MMP25: variants seen among roughly 807,000 people sequenced by gnomAD.
The protein encoded by MMP25 is matrix metallopeptidase 25, also known as matrix metalloproteinase-25.
MMP25 carries 68 observed loss-of-function variants against 62.1 expected under a neutral mutation model. The ratio of observed to expected loss-of-function variants is 1.10; its 90% CI spans 0.90 to 1.34. MMP25 has a LOEUF of 1.34. Ranked by LOEUF, MMP25 falls within the 40% of genes most tolerant of loss-of-function variation. The pLI, the probability that MMP25 is intolerant of heterozygous loss-of-function variation, is 0.00. For synonymous variants in MMP25, 407 were observed against 345.6 expected (o/e 1.18, Z -1.97); for missense variants, 942 against 792.5 (o/e 1.19, Z -2.26).
In MMP25 at chr16:3,057,187, C is replaced by A. The variant is rs148773236; in HGVS notation, c.816C>A (p.Arg272=). 7 of 1,612,450 alleles carry A rather than the reference C, an allele frequency of 4.3e-6. 1 individual carries two copies. The highest frequency in any genetic ancestry group is 3.3e-4 in the Middle Eastern group (2 of 6,052). ...AGTACCGCCTGTCTCAGGATGACCG[C>A]GATGGCCTGCAGCAACTCTATGGTA... ...PDKYRLSQDD[R]DGLQQLYGKA... is the part of the protein sequence containing the mutation. The change falls in exon 5 of 10, where the codon CGC becomes CGA. Residue 272 remains arginine, a synonymous_variant. Transcript: ENST00000336577.
At chr16:3,053,776 G>C (rs1955947118) in intron 4 of MMP25, 1 of 152,064 alleles carries the variant, frequency 6.6e-6, no homozygotes, top group Non-Finnish European at 1.5e-5. Flanking sequence ...GAAGTGGTCA[G>C]CTGTGGCTGG....
At chr16:3,058,148 A>G in intron 7 of MMP25, 33 bp from the exon 8 acceptor site, 15 of 1,603,194 alleles carry the variant, frequency 9.4e-6, no homozygotes, top group Non-Finnish European at 1.3e-5. Flanking sequence ...CTGCTGTCTC[A>G]TGCCTTCCTG....
intron 4 of MMP25, chr16:3,056,100 G>A (rs1312564373): frequency 6.3e-6 from 2 of 315,860 alleles, no homozygotes; most frequent in Non-Finnish European, 6.4e-6. Context: ...AGGGGCAGAG[G>A]CTGTGAACAG....
At chr16:3,047,676 A>G in intron 2 of MMP25, 129 bp downstream of exon 2, 2 of 994,464 alleles carry the variant, frequency 2.0e-6, no homozygotes, top group Non-Finnish European at 2.9e-6. Flanking sequence ...CCCCAAACCC[A>G]GAGGGCCTCA....
chr16:3,057,751 T>G, intron 7 of MMP25, 138 bp downstream of exon 7: 1 of 782,454 alleles, frequency 1.3e-6, no homozygotes, highest in East Asian at 2.5e-5. Flanking sequence ...TGGGCCGCAG[T>G]GCAGTGGTGT....
At position 3,050,261 on chromosome 16, in the gene MMP25, T is replaced by C; in HGVS notation, c.376T>C (p.Ser126Pro). The C allele has an allele frequency of 6.3e-7, 1 of 1,596,012 alleles. No homozygotes were observed. The highest frequency in any genetic ancestry group is 8.6e-7 in the Non-Finnish European group (1 of 1,168,418). Residue 126 changes from serine to proline, a missense_variant, in exon 4 of 10, where the codon TCC (serine) becomes CCC (proline). By Grantham distance (74) the Ser-to-Pro change is moderately conservative (BLOSUM62 -1). Coordinates refer to ENST00000336577, the MANE Select transcript of MMP25 (RefSeq NM_022468.5). ...KKRTLTWRVRSFPQSSQLSQE... is the reference protein window; with the variant it reads ...KKRTLTWRVRPFPQSSQLSQE... ...TCACTCCCCTCTCCCCAGGGTACGT[T>C]CCTTCCCCCAGAGCTCCCAGCTGAG...
In MMP25 at chr16:3,050,091, T is replaced by G. The variant is rs774691508; in HGVS notation, c.315T>G (p.Arg105=). The stretch of plus-strand genomic sequence containing the variant: ...GGGTGGCGGGGCTGGTCAGGCGGCG[T>G]CGCCGGTACGCTCTGAGCGGCAGCG... ...VLGVAGLVRR[R]RRYALSGSVW... is the part of the protein sequence containing the mutation. Residue 105 remains arginine, a synonymous_variant, in exon 3 of 10, where the codon CGT becomes CGG. Transcript: ENST00000336577. 1.2e-5 allele frequency: 19 copies of G among 1,611,204 alleles called. No individual in the cohort carries two copies. The highest frequency in any genetic ancestry group is 1.1e-4 in the East Asian group (5 of 44,886).
rs761714073 is a variant in MMP25 at position 3,057,126 on chromosome 16, G to A, written c.755G>A (p.Arg252Lys). ...GHSSAPNSIM[R>K]PFYQGPVGDP... is the part of the protein sequence containing the mutation. Reference sequence around the variant, plus strand: ...TCCTCAGCCCCCAACTCCATTATGAGGCCCTTCTACCAGGGTCCGGTGGGC... The same window carrying A: ...TCCTCAGCCCCCAACTCCATTATGAAGCCCTTCTACCAGGGTCCGGTGGGC... Residue 252 changes from arginine (R) to lysine (K), a missense_variant, in exon 5 of 10, where the codon AGG (arginine) becomes AAG (lysine). Coordinates refer to ENST00000336577, the MANE Select transcript of MMP25 (RefSeq NM_022468.5). 6.2e-7 allele frequency: 1 copy of A among 1,613,520 alleles called. No individual in the cohort carries two copies. Among genetic ancestry groups the A allele is most frequent in the Admixed American group, 1.7e-5 (1 of 59,906 alleles).
rs1567128572 is a variant in MMP25 at position 3,057,626 on chromosome 16, A to G, written c.1006+13A>G. ...TTCTTCTTCAAAGGTGAGTCATTTC[A>G]CTTGGCCTCATATATGTTGGTTTCC... On this transcript the variant is annotated intron_variant, in intron 7 of 9. Transcript: ENST00000336577. 2.5e-6 allele frequency: 4 copies of G among 1,613,124 alleles called. No individual in the cohort carries two copies. The highest frequency in any genetic ancestry group is 3.3e-4 in the Middle Eastern group (2 of 6,060).
intron 7 of MMP25, 147 bp downstream of exon 7, chr16:3,057,760 G>T: frequency 1.3e-6 from 1 of 747,782 alleles, no homozygotes; most frequent in Non-Finnish European, 2.3e-6. Flanking sequence ...GTGCAGTGGT[G>T]TGATCATGGC....
intron 2 of MMP25, among the ~76,000 whole-genome samples, chr16:3,048,092 G>T (rs2151152079): frequency 6.6e-6 from 1 of 152,268 alleles, no homozygotes; most frequent in Admixed American, 6.5e-5. Flanking sequence ...GCCGGCCTTG[G>T]CCTCCCAAAG....
At position 3,046,958 on chromosome 16, in the gene MMP25, T is replaced by C; in HGVS notation, c.41T>C (p.Leu14Pro). 6.8e-7 allele frequency: 1 copy of C among 1,473,802 alleles called. No homozygotes were observed. The highest frequency in any genetic ancestry group is 1.3e-5 in the South Asian group (1 of 77,506). 91.3% of individuals were successfully genotyped at this position (1,473,802 alleles called of 1,614,324 possible). Residue 14 changes from leucine to proline, a missense_variant, in exon 1 of 10, where the codon CTG (leucine) becomes CCG (proline). Physicochemically the swap from Leu to Pro is moderately conservative, Grantham distance 98. Coordinates refer to ENST00000336577, the MANE Select transcript of MMP25 (RefSeq NM_022468.5). ...CGGCTTCTGGCGCTGCTGCTTCTGC[T>C]GCTGGCACCGCCCGCGCGCGCCCCG... ...RLRLLALLLLLLAPPARAPKP... is the reference protein window; with the variant it reads ...RLRLLALLLLPLAPPARAPKP...
In MMP25 at chr16:3,046,740, C is replaced by G. The variant is rs1377331284; in HGVS notation, c.-178C>G. 4.7e-6 allele frequency: 2 copies of G among 429,214 alleles called. No homozygotes were observed. Among genetic ancestry groups the G allele is most frequent in the East Asian group, 3.7e-5 (1 of 26,802 alleles). The allele number at this position is 429,214 out of a possible 1,614,324, so 26.6% of individuals were successfully genotyped here. On this transcript the variant is annotated 5_prime_UTR_variant, in exon 1 of 10. Transcript: ENST00000336577. ...CTGGCCCTCCGGGACCCTCCGCTGA[C>G]TCCACCGCGCACTTCCCGGGACCCC... is the stretch of plus-strand genomic sequence containing the variant.
intron 2 of MMP25, among the ~76,000 whole-genome samples, chr16:3,049,066 C>T (rs1385119224): frequency 6.6e-6 from 1 of 151,966 alleles, no homozygotes; most frequent in African/African-American, 2.4e-5. Flanking sequence ...CCTTGGCCTC[C>T]CACAGTGCTG....
In MMP25 at chr16:3,050,505, CTCACT is replaced by C; in HGVS notation, c.622_626del (p.His208Ter). On this transcript the variant is annotated frameshift_variant, in exon 4 of 10. Transcript: ENST00000336577. LOFTEE classifies it high-confidence loss of function. ...GGGGAGCACCCCATCTCCGGGGACACTCACTTTGACGATGAGGAGACCTGGACTTT... is the reference window on the plus strand; with the variant it reads ...GGGGAGCACCCCATCTCCGGGGACACTTGACGATGAGGAGACCTGGACTTT... The C allele has an allele frequency of 6.3e-7, 1 of 1,586,102 alleles. No individual in the cohort carries two copies. Among genetic ancestry groups the C allele is most frequent in the Non-Finnish European group, 8.6e-7 (1 of 1,163,830 alleles).
Position 3,047,515 on chromosome 16 carries a change from G to A in MMP25, c.200G>A (p.Arg67Lys). Residue 67 changes from arginine (R) to lysine (K), a missense_variant, in exon 2 of 10, where the codon AGG becomes AAG. By Grantham distance (26) the Arg-to-Lys change is conservative (BLOSUM62 2). Coordinates refer to ENST00000336577, the MANE Select transcript of MMP25 (RefSeq NM_022468.5). ...CGCGATGCCATCAAAGTCATGCAGA[G>A]GTTCGCGGGGCTGCCGGAGACCGGC... ...KLRDAIKVMQ[R>K]FAGLPETGRM... 1.2e-6 allele frequency: 2 copies of A among 1,613,738 alleles called. No individual in the cohort carries two copies. Among genetic ancestry groups the A allele is most frequent in the Non-Finnish European group, 8.5e-7 (1 of 1,179,944 alleles).
Position 3,050,101 on chromosome 16 carries a change from G to A in MMP25, c.325G>A (p.Ala109Thr), listed in dbSNP as rs749067434. ...GCTGGTCAGGCGGCGTCGCCGGTACGCTCTGAGCGGCAGCGTGTGGAAGAA... is the reference window on the plus strand; with the variant it reads ...GCTGGTCAGGCGGCGTCGCCGGTACACTCTGAGCGGCAGCGTGTGGAAGAA... ...AGLVRRRRRYALSGSVWKKRT... is the reference protein window; with the variant it reads ...AGLVRRRRRYTLSGSVWKKRT... Residue 109 changes from alanine (A) to threonine (T), a missense_variant, in exon 3 of 10, where the codon GCT becomes ACT. Transcript: ENST00000336577. The A allele has an allele frequency of 1.9e-5, 30 of 1,610,844 alleles. No individual in the cohort carries two copies. Among genetic ancestry groups the A allele is most frequent in the Middle Eastern group, 3.3e-4 (2 of 6,058 alleles).
rs920810195 is a variant in MMP25 at position 3,049,913 on chromosome 16, G to A, written c.233-96G>A. The A allele has an allele frequency of 4.5e-6, 7 of 1,563,478 alleles. No individual in the cohort carries two copies. In the Admixed American group the frequency reaches 1.2e-4, roughly 26 times the overall value. ...AGGGCACATTTCTTGAGCCCTCTGA[G>A]CCTCAGTTTTCCCATGTAGAAAGTT... is the stretch of plus-strand genomic sequence containing the variant. On this transcript the variant is annotated intron_variant, in intron 2 of 9. Transcript: ENST00000336577.
rs1409558188 is a variant in MMP25 at position 3,058,990 on chromosome 16, C to T, written c.1581C>T (p.Ser527=). The change falls in exon 10 of 10, where the codon TCC becomes TCT. Residue 527 remains serine, a synonymous_variant. Transcript: ENST00000336577. ...GGCCCCCCAAAGCGACCCCCGTGTCCGAAACCTGCGATTGTCAGTGCGAGC... is the reference window on the plus strand; with the variant it reads ...GGCCCCCCAAAGCGACCCCCGTGTCTGAAACCTGCGATTGTCAGTGCGAGC... ...APRPPKATPV[S]ETCDCQCELN... The T allele has an allele frequency of 6.4e-7, 1 of 1,555,828 alleles. No homozygotes were observed. Among genetic ancestry groups the T allele is most frequent in the East Asian group, 2.4e-5 (1 of 41,390 alleles).
Sources: gnomAD v4.1 joint callset for allele counts (sites outside exome capture counted in the v4.1 genomes callset) on GRCh38, gnomAD v4.1.1 for gene constraint, MANE v1.5 for transcripts, NCBI Gene and HGNC (gene_info 2026-07-23, HGNC 2026-07-21) for gene names.